The following RNF6 variants were observed in gnomAD, a reference collection of about 807,000 sequenced individuals.
The protein encoded by RNF6 is ring finger protein 6.
A neutral mutation model predicts 50.1 loss-of-function variants in RNF6; 21 were observed. The observed-to-expected ratio is 0.42, with a 90% confidence interval of 0.30 to 0.60. RNF6 has a LOEUF of 0.60. Among genes scored for constraint, RNF6 ranks in the 20% least tolerant of loss-of-function variants. The pLI is 0.20. For missense variants in RNF6, 698 were observed against 838.2 expected, an observed-to-expected ratio of 0.83 and a Z score of 2.07; for synonymous variants, 255 against 291.8, an observed-to-expected ratio of 0.87 and a Z score of 1.29.
At chr13:26,204,913 G>A (rs1651211805) in intron 5 of RNF6, among the ~76,000 whole-genome samples, 1 of 152,156 alleles carries the variant, frequency 6.6e-6, no homozygotes, top group African/African-American at 2.4e-5. Flanking sequence ...TCTGAAACCT[G>A]CTTGACTCTC....
At chr13:26,196,372 CGGGT>C (rs1401958438) in intron 5 of RNF6, among the ~76,000 whole-genome samples, 1 of 152,022 alleles carries the variant, frequency 6.6e-6, no homozygotes, top group Non-Finnish European at 1.5e-5. Flanking sequence ...ATTTTCAGGC[CGGGT>C]GTGGTGGCTC....
chr13:26,187,303 C>G (rs1873602390), intron 5 of RNF6, among the ~76,000 whole-genome samples: 1 of 152,126 alleles, frequency 6.6e-6, no homozygotes, highest in African/African-American at 2.4e-5. Context: ...TAAGCCGGCA[C>G]AAGAAGGGGG....
At chr13:26,144,837 C>T (rs1391672688) in intron 5 of RNF6, 1 of 152,172 alleles carries the variant, frequency 6.6e-6, no homozygotes, top group African/African-American at 2.4e-5. Flanking sequence ...CATGTAATTT[C>T]TTTGTGCTTC....
Position 26,201,957 on chromosome 13 carries a change from C to CA in RNF6, n.768+13516dup, listed in dbSNP as rs151045919. Among the ~76,000 whole-genome samples, 560 of 152,192 alleles carry CA rather than the reference C, an allele frequency of 3.7e-3. 2 individuals are homozygous for CA. The highest frequency in any genetic ancestry group is 0.013 in the African/African-American group (539 of 41,538). ...AACTTCTTATTCATTATGGGGACCA[C>CA]AAAAAGAGGCTACTTATGAAGGTGT... On this transcript the variant is annotated intron_variant and non_coding_transcript_variant, in intron 5 of 5. Coordinates refer to the RNF6 transcript ENST00000468480.
intron 5 of RNF6, among the ~76,000 whole-genome samples, chr13:26,178,910 T>G (rs1873102391): frequency 6.6e-6 from 1 of 152,162 alleles, no homozygotes. Context: ...TCTGACTTAT[T>G]TCACTTAGTA....
At position 26,214,342 on chromosome 13, in the gene RNF6, G is replaced by A. The variant is rs1294900498; in HGVS notation, c.1540C>T (p.Pro514Ser). The change falls in exon 5 of 5, where the codon CCA becomes TCA. Residue 514 changes from proline to serine, a missense_variant. Transcript: ENST00000381588. ...SELQRNGQHL[P>S]DMHSELSNLG... The stretch of plus-strand genomic sequence containing the variant: ...TTACTCAGTTCTGAGTGCATGTCTG[G>A]TAAATGCTGGCCATTTCTTTGAAGT... 6.2e-7 allele frequency: 1 copy of A among 1,614,046 alleles called. No individual in the cohort carries two copies. The highest frequency in any genetic ancestry group is 1.1e-5 in the South Asian group (1 of 91,080).
At chr13:26,176,482 G>A (rs763026455) in intron 5 of RNF6, among the ~76,000 whole-genome samples, 2 of 152,180 alleles carry the variant, frequency 1.3e-5, no homozygotes, top group Non-Finnish European at 2.9e-5. Flanking sequence ...AGACTTTTTG[G>A]GGGATTGAAT....
exon 6 of RNF6, chr13:26,132,352 G>C: frequency 2.3e-6 from 1 of 426,496 alleles, no homozygotes; most frequent in Non-Finnish European, 4.7e-6. Context: ...AGGTTCCAGC[G>C]AAGCTATTGA....
intron 5 of RNF6, among the ~76,000 whole-genome samples, chr13:26,187,680 G>A (rs960371701): frequency 1.3e-5 from 2 of 152,198 alleles, no homozygotes; most frequent in Admixed American, 1.3e-4. Flanking sequence ...AGATCTCTTG[G>A]ACTCCAGAGG....
intron 5 of RNF6, among the ~76,000 whole-genome samples, chr13:26,163,137 T>C (rs948941982): frequency 4.0e-5 from 6 of 151,810 alleles, no homozygotes; most frequent in Non-Finnish European, 1.5e-5. Flanking sequence ...GGTGAAACCC[T>C]GTCTCTCTAC....
intron 5 of RNF6, among the ~76,000 whole-genome samples, chr13:26,151,619 T>TC (rs1349551341): frequency 2.0e-5 from 1 of 49,400 alleles, no homozygotes; most frequent in African/African-American, 5.5e-5. Flanking sequence ...TTTTCTTTTT[T>TC]TCTTTTTTTT....
chr13:26,176,136 A>C (rs755736366), intron 5 of RNF6, among the ~76,000 whole-genome samples: 4 of 152,194 alleles, frequency 2.6e-5, no homozygotes, highest in Admixed American at 6.5e-5. Context: ...ATGAAGAGGA[A>C]TGAAGGAGGA....
chr13:26,216,324 C>T (rs1869870930), intron 4 of RNF6, among the ~76,000 whole-genome samples: 2 of 152,076 alleles, frequency 1.3e-5, no homozygotes, highest in South Asian at 4.1e-4. Context: ...AAAAAGCCAC[C>T]CCATAAATGT....
At chr13:26,143,813 G>C (rs960315658) in intron 5 of RNF6, among the ~76,000 whole-genome samples, 1 of 152,168 alleles carries the variant, frequency 6.6e-6, no homozygotes, top group African/African-American at 2.4e-5. Flanking sequence ...AATTCCATGA[G>C]CATGGGCCCA....
Position 26,212,861 on chromosome 13 carries a change from TTTG to T in RNF6, c.*960_*962del, listed in dbSNP as rs1440593109. ...TCTACATTCTCTTAAAGGTTTTCGT[TTTG>T]TTTTCACTGGAGATTTTTAGCCTCC... On this transcript the variant is annotated 3_prime_UTR_variant, in exon 5 of 5. Coordinates refer to ENST00000381588, the MANE Select transcript of RNF6 (RefSeq NM_005977.4). The T allele has an allele frequency of 2.0e-5, 3 of 152,504 alleles. No individual in the cohort carries two copies. The highest frequency in any genetic ancestry group is 7.2e-5 in the African/African-American group (3 of 41,408). The allele number at this position is 152,504 out of a possible 1,614,324, so 9.4% of individuals were successfully genotyped here.
intron 5 of RNF6, among the ~76,000 whole-genome samples, chr13:26,160,912 G>A (rs568948402): frequency 2.0e-5 from 3 of 152,050 alleles, no homozygotes; most frequent in African/African-American, 7.2e-5. Flanking sequence ...TTCTTATAAG[G>A]CCACCAGTCA....
At chr13:26,151,613 C>T (rs367847151) in intron 5 of RNF6, among the ~76,000 whole-genome samples, 4 of 40,566 alleles carry the variant, frequency 9.9e-5, no homozygotes, top group Non-Finnish European at 2.5e-4. Context: ...TCCTTTTTTT[C>T]TTTTTTTCTT....
chr13:26,151,621 CTT>C (rs10682446), intron 5 of RNF6, among the ~76,000 whole-genome samples: 6 of 139,582 alleles, frequency 4.3e-5, no homozygotes, highest in African/African-American at 1.3e-4. Flanking sequence ...TTCTTTTTTT[CTT>C]TTTTTTTTTT....
At chr13:26,208,309 T>C (rs2137724595), downstream of RNF6, among the ~76,000 whole-genome samples, 1 of 152,310 alleles carries the variant, frequency 6.6e-6, no homozygotes, top group East Asian at 1.9e-4. Context: ...TTTTGGTATG[T>C]GCTAGGCAGA....
Sources: allele counts gnomAD v4.1 joint callset (sites outside exome capture counted in the v4.1 genomes callset), GRCh38; gene constraint gnomAD v4.1.1; transcripts MANE v1.5; gene names NCBI Gene and HGNC (gene_info 2026-07-23, HGNC 2026-07-21).